Variants in TRAPPC2L observed in about 807,000 individuals in gnomAD.
TRAPPC2L encodes trafficking protein particle complex subunit 2-like protein.
TRAPPC2L carries 17 observed loss-of-function variants against 13.2 expected under a neutral mutation model. The ratio of observed to expected loss-of-function variants is 1.29; its 90% CI spans 0.88 to 1.93. The LOEUF (loss-of-function observed/expected upper bound fraction) is 1.93, where lower values mean the gene tolerates loss of function less well. TRAPPC2L is among the 30% of genes most tolerant of loss of function. The pLI is 0.00. For synonymous variants in TRAPPC2L, 150 were observed against 98.1 expected (o/e 1.53, Z -3.12); for missense variants, 359 against 252.1 (o/e 1.42, Z -2.87).
chr16:88,860,844 C>T (rs1567558471), exon 4 of TRAPPC2L: 1 of 1,514,954 alleles, frequency 6.6e-7, no homozygotes, highest in Non-Finnish European at 9.0e-7. Flanking sequence ...AGCCATGCTG[C>T]CCGGCCCGTC....
rs775606728 is a variant in TRAPPC2L, at chr16:88,859,609, G to A, written c.207-54G>A. On this transcript the variant is annotated intron_variant, in intron 2 of 3. Coordinates refer to ENST00000565504, the Ensembl canonical transcript of TRAPPC2L. ...TCTCCAAAGTGAGGGCCCACAGAGGGCCCTCCACCGGCAGTCCCTGTGTTA... is the reference window on the plus strand; with the variant it reads ...TCTCCAAAGTGAGGGCCCACAGAGGACCCTCCACCGGCAGTCCCTGTGTTA... The A allele has an allele frequency of 3.2e-5, 49 of 1,533,716 alleles. No individual in the cohort carries two copies. The Admixed American group carries it at 3.8e-4, about 12-fold the overall frequency.
chr16:88,862,656 A>T (rs1272087125), exon 4 of TRAPPC2L: 1 of 152,310 alleles, frequency 6.6e-6, no homozygotes, highest in Admixed American at 6.5e-5. Context: ...GTGAGAAAAT[A>T]AATGCACCCC....
chr16:88,860,175 G>C, exon 4 of TRAPPC2L: 2 of 711,088 alleles, frequency 2.8e-6, no homozygotes, highest in Non-Finnish European at 5.1e-6. Flanking sequence ...AGCGCATAAA[G>C]TGGATAGAGT....
exon 4 of TRAPPC2L, chr16:88,861,704 G>C: frequency 2.1e-6 from 1 of 471,760 alleles, no homozygotes; most frequent in Middle Eastern, 4.7e-4. Flanking sequence ...GCGTCCTTGG[G>C]GTCCAGCGGT....
chr16:88,861,282 C>T (rs1310311802), exon 4 of TRAPPC2L: 4 of 410,954 alleles, frequency 9.7e-6, no homozygotes, highest in Non-Finnish European at 1.8e-5. Context: ...GTTCCTGAGC[C>T]TGCAGGACCT....
In TRAPPC2L at chr16:88,859,898, C is replaced by G. The variant is rs770844603; in HGVS notation, c.300C>G (p.Phe100Leu). The G allele has an allele frequency of 3.2e-5, 50 of 1,553,776 alleles. 1 individual carries two copies. The Middle Eastern group carries it at 1.7e-3, about 53-fold the overall frequency. Residue 100 changes from phenylalanine (F) to leucine (L), a missense_variant, in exon 4 of 4, where the codon TTC becomes TTG. Coordinates refer to ENST00000565504, the Ensembl canonical transcript of TRAPPC2L. Reference sequence around the variant, plus strand: ...GTTTGCTGGGTCTTTTTCAGATGTTCCGGAAGCTACACAACTCCTACACAG... The same window carrying G: ...GTTTGCTGGGTCTTTTTCAGATGTTGCGGAAGCTACACAACTCCTACACAG...
At chr16:88,857,031 C>T (rs1417051546), upstream of TRAPPC2L, 2 of 1,415,890 alleles carry the variant, frequency 1.4e-6, no homozygotes, top group Non-Finnish European at 9.1e-7. Context: ...GGGGCCTGGA[C>T]TGCCTCGTGA....
At chr16:88,861,944 A>C (rs1968419375) in exon 4 of TRAPPC2L, 2 of 251,984 alleles carry the variant, frequency 7.9e-6, no homozygotes, top group South Asian at 3.5e-5. Context: ...TAGAAGAAAA[A>C]ATCAGCAAGG....
chr16:88,861,211 C>G (rs572476192), exon 4 of TRAPPC2L: 1 of 527,452 alleles, frequency 1.9e-6, no homozygotes, highest in South Asian at 2.1e-5. Flanking sequence ...GATCAGATGG[C>G]GCAGGTAGCC....
chr16:88,857,760 C>T (rs1231095045), intron 1 of TRAPPC2L, among the ~76,000 whole-genome samples: 2 of 152,228 alleles, frequency 1.3e-5, no homozygotes, highest in Admixed American at 6.5e-5. Context: ...TGGGCCTTTG[C>T]ACGCGGAACA....
chr16:88,860,763 T>G, exon 4 of TRAPPC2L: 1 of 820,302 alleles, frequency 1.2e-6, no homozygotes, highest in Non-Finnish European at 2.0e-6. Context: ...GGGGTGGGAC[T>G]CCTGTCCTGG....
upstream of TRAPPC2L, chr16:88,856,750 G>T: frequency 9.2e-7 from 1 of 1,084,624 alleles, no homozygotes; most frequent in South Asian, 1.4e-5. Flanking sequence ...CCCACCGCCC[G>T]CACTCACGTC....
At chr16:88,861,212 G>T (rs1002994349) in exon 4 of TRAPPC2L, 2 of 528,826 alleles carry the variant, frequency 3.8e-6, no homozygotes, top group Admixed American at 3.2e-5. Context: ...ATCAGATGGC[G>T]CAGGTAGCCT....
rs913655804 is a variant in TRAPPC2L at position 88,859,652 on chromosome 16, C to T, written c.207-11C>T. 32 of 1,613,604 alleles carry T rather than the reference C, an allele frequency of 2.0e-5. No homozygotes were observed. The highest frequency in any genetic ancestry group is 2.7e-5 in the Non-Finnish European group (32 of 1,179,790). On this transcript the variant is annotated splice_polypyrimidine_tract_variant and intron_variant, in intron 2 of 3. Transcript: ENST00000565504. ...CTGTGTTACGAGTGCCTTCCCTAAC[C>T]AGCTGTGCAGATACGGCTACGTCAC...
At chr16:88,861,800 C>G (rs1338047865) in exon 4 of TRAPPC2L, 6 of 384,702 alleles carry the variant, frequency 1.6e-5, no homozygotes, top group Non-Finnish European at 3.2e-5. Context: ...ACCTTGAGGA[C>G]CCCAGAAGCC....
At chr16:88,862,295 T>A (rs543722831) in exon 4 of TRAPPC2L, 1 of 152,380 alleles carries the variant, frequency 6.6e-6, no homozygotes, top group African/African-American at 2.4e-5. Flanking sequence ...CCAGTTCCAA[T>A]AGCGGGCAGA....
intron 2 of TRAPPC2L, 66 bp downstream of exon 2, chr16:88,858,857 A>G (rs926846167): frequency 2.2e-5 from 34 of 1,518,562 alleles, no homozygotes; most frequent in Non-Finnish European, 2.6e-5. Context: ...TTAGGATCAG[A>G]TAACTTGAAA....
chr16:88,859,320 G>A (rs1442003452), intron 2 of TRAPPC2L: 2 of 653,952 alleles, frequency 3.1e-6, no homozygotes, highest in Non-Finnish European at 5.6e-6. Flanking sequence ...GATCCGCCTT[G>A]TTCACGAAGC....
At chr16:88,856,437 C>A (rs992824922), upstream of TRAPPC2L, 1 of 700,782 alleles carries the variant, frequency 1.4e-6, no homozygotes, top group Non-Finnish European at 2.6e-6. Flanking sequence ...CCCGGTAGCA[C>A]GCCGGCCACC....
Sources: gnomAD v4.1 joint callset for allele counts (sites outside exome capture counted in the v4.1 genomes callset) on GRCh38, gnomAD v4.1.1 for gene constraint, MANE v1.5 for transcripts, NCBI Gene and HGNC (gene_info 2026-07-23, HGNC 2026-07-21) for gene names.